PRKN: variants seen among roughly 807,000 people sequenced by gnomAD.
PRKN encodes the protein E3 ubiquitin-protein ligase parkin.
A neutral mutation model predicts 59.5 loss-of-function variants in PRKN; 56 were observed. The observed-to-expected ratio is 0.94, with a 90% CI of 0.76 to 1.18. PRKN has a LOEUF of 1.18. PRKN is among the 50% of genes most tolerant of loss of function. The probability of loss-of-function intolerance (pLI) is 0.00; values close to 1 mark genes in which losing one functional copy is unlikely to be tolerated. For missense variants in PRKN, 657 were observed against 596.4 expected (o/e 1.10, Z -1.06); for synonymous variants, 250 against 222.1 (o/e 1.13, Z -1.12).
intron 6 of PRKN, among the ~76,000 whole-genome samples, chr6:161,807,197 T>C (rs1791367152): frequency 6.6e-6 from 1 of 152,136 alleles, no homozygotes; most frequent in Non-Finnish European, 1.5e-5. Context: ...TACTAAACCA[T>C]ACGGAGATTT....
chr6:161,639,002 A>C (rs1440564801), intron 7 of PRKN, among the ~76,000 whole-genome samples: 1 of 151,840 alleles, frequency 6.6e-6, no homozygotes, highest in African/African-American at 2.4e-5. Context: ...TCAGTCTCCC[A>C]AAGTGCTGGG....
At chr6:162,368,415 C>T (rs1307394452) in intron 2 of PRKN, among the ~76,000 whole-genome samples, 1 of 152,170 alleles carries the variant, frequency 6.6e-6, no homozygotes, top group African/African-American at 2.4e-5. Context: ...GGAATTTCTA[C>T]ATCGACTGCC....
chr6:161,715,314 C>T (rs902930151), intron 7 of PRKN, among the ~76,000 whole-genome samples: 5 of 151,656 alleles, frequency 3.3e-5, no homozygotes, highest in Admixed American at 2.0e-4. Flanking sequence ...AGAAAAAATC[C>T]CGTTGTCTTC....
In PRKN at chr6:161,458,073, A is replaced by G. The variant is rs528127408; in HGVS notation, c.1084-71196T>C. ...TATCCTAGCTGTTATGGGAATACTTATAAGAAGAAAAAGAGAAATACAGCT... is the reference window on the plus strand; with the variant it reads ...TATCCTAGCTGTTATGGGAATACTTGTAAGAAGAAAAAGAGAAATACAGCT... On this transcript the variant is annotated intron_variant, in intron 9 of 11. Transcript: ENST00000366898. The surrounding 1 kb of genome is among the most constrained non-coding windows in gnomAD (Gnocchi z 6.1). 6.6e-6 allele frequency among the ~76,000 whole-genome samples: 1 copy of G among 152,334 alleles called. No individual in the cohort carries two copies. Among genetic ancestry groups the G allele is most frequent in the South Asian group, 2.1e-4 (1 of 4,830 alleles).
At chr6:161,573,742 A>ATT (rs1780997190) in intron 7 of PRKN, among the ~76,000 whole-genome samples, 7 of 32,042 alleles carry the variant, frequency 2.2e-4, no homozygotes, top group Admixed American at 7.4e-4. Flanking sequence ...AAAAAAAAAA[A>ATT]AAAAAAAAAA....
rs530074627 is a variant in PRKN at position 161,604,607 on chromosome 6, A to T, written c.872-35191T>A. 3.9e-5 allele frequency among the ~76,000 whole-genome samples: 6 copies of T among 152,338 alleles called. 1 individual carries two copies. The South Asian group carries it at 1.2e-3, about 32-fold the overall frequency. ...TTGATCCTACTTTATAGAGATGAGA[A>T]TGAGTCTCTGAATGCACAGTGTTTA... On this transcript the variant is annotated intron_variant, in intron 7 of 11. Coordinates refer to ENST00000366898, the MANE Select transcript of PRKN (RefSeq NM_004562.3).
At chr6:162,261,040 CAA>C (rs1221943019) in intron 3 of PRKN, among the ~76,000 whole-genome samples, 3 of 152,022 alleles carry the variant, frequency 2.0e-5, no homozygotes, top group African/African-American at 7.2e-5. Flanking sequence ...GCATAAATCT[CAA>C]AGAGGTGCCT....
chr6:162,679,224 C>T lies in PRKN; in HGVS notation c.7+48438G>A, dbSNP rs112214582. On this transcript the variant is annotated intron_variant, in intron 1 of 11. Coordinates refer to ENST00000366898, the MANE Select transcript of PRKN (RefSeq NM_004562.3). ...AAGTGATTCTCCTGCCTCAGCCTCC[C>T]GAGCAGCTGGGATTACAGGCACCCT... Among the ~76,000 whole-genome samples the T allele has an allele frequency of 5.1e-3, 778 of 151,608 alleles. 7 individuals are homozygous for T. Among genetic ancestry groups the T allele is most frequent in the African/African-American group, 0.017 (709 of 41,294 alleles).
At chr6:162,012,746 A>G (rs1782783633) in intron 5 of PRKN, among the ~76,000 whole-genome samples, 1 of 152,086 alleles carries the variant, frequency 6.6e-6, no homozygotes, top group African/African-American at 2.4e-5. Flanking sequence ...GTCCCCTCTG[A>G]TCTGGAACAG....
intron 1 of PRKN, among the ~76,000 whole-genome samples, chr6:162,507,256 C>T (rs1057090333): frequency 6.6e-6 from 1 of 152,076 alleles, no homozygotes; most frequent in South Asian, 2.1e-4. Context: ...GACTCATTCT[C>T]CCTAGAAGCC....
intron 7 of PRKN, among the ~76,000 whole-genome samples, chr6:161,623,519 G>C (rs1782982379): frequency 6.6e-6 from 1 of 152,202 alleles, no homozygotes; most frequent in Non-Finnish European, 1.5e-5. Context: ...GGGAGCGACA[G>C]ACAGCTTTTT....
rs201675678 is a variant in PRKN, at chr6:162,619,706, C to CCAGTCA, written c.7+107955_7+107956insTGACTG. Among the ~76,000 whole-genome samples the CCAGTCA allele has an allele frequency of 3.9e-3, 177 of 44,948 alleles. 3 individuals are homozygous for CCAGTCA. The East Asian group carries it at 0.097, about 25-fold the overall frequency. The allele number at this position is 44,948 out of a possible 152,430, so 29.5% of individuals were successfully genotyped here. A position where few individuals can be genotyped will look rare whatever the true frequency, so the allele number is the denominator to read the frequency against. ...GTTGGTATCTATCCTTTCACTTTTT[C>CCAGTCA]CACTCACACACACACACACACACAC... On this transcript the variant is annotated intron_variant, in intron 1 of 11. Transcript: ENST00000366898.
At chr6:162,623,792 T>C (rs1782770859) in intron 1 of PRKN, among the ~76,000 whole-genome samples, 2 of 152,144 alleles carry the variant, frequency 1.3e-5, no homozygotes, top group African/African-American at 4.8e-5. Context: ...AATAACCTAA[T>C]TATCAAATAA....
At chr6:162,534,703 C>T (rs770430567) in intron 1 of PRKN, among the ~76,000 whole-genome samples, 3 of 152,184 alleles carry the variant, frequency 2.0e-5, no homozygotes, top group Non-Finnish European at 4.4e-5. Flanking sequence ...TCCCGAGCCA[C>T]TTTCTGGCTA....
At position 161,445,021 on chromosome 6, in the gene PRKN, C is replaced by T. The variant is rs906809219; in HGVS notation, c.1084-58144G>A. 7.1e-6 allele frequency among the ~76,000 whole-genome samples: 1 copy of T among 141,692 alleles called. No homozygotes were observed. Among genetic ancestry groups the T allele is most frequent in the Non-Finnish European group, 1.5e-5 (1 of 67,924 alleles). 93.0% of individuals were successfully genotyped at this position (141,692 alleles called of 152,430 possible). On this transcript the variant is annotated intron_variant, in intron 9 of 11. Coordinates refer to ENST00000366898, the MANE Select transcript of PRKN (RefSeq NM_004562.3). This position sits in a 1 kb window ranked among gnomAD's most constrained non-coding sequence, Gnocchi z 7.7. ...TTTTGTTTTTTTAATCTCTAGGTAA[C>T]CAACCCCTGCCTACATTTTACTCTG...
intron 1 of PRKN, among the ~76,000 whole-genome samples, chr6:162,538,348 G>C (rs1778799408): frequency 6.6e-6 from 1 of 152,230 alleles, no homozygotes; most frequent in East Asian, 1.9e-4. Context: ...ACTGAGCTGA[G>C]ATTGTGTCAC....
At chr6:162,258,220 G>A (rs755252834) in intron 3 of PRKN, among the ~76,000 whole-genome samples, 3 of 152,150 alleles carry the variant, frequency 2.0e-5, no homozygotes, top group Non-Finnish European at 1.5e-5. Context: ...ACACTTACTA[G>A]CTGCTCCAAA....
chr6:162,394,541 G>C (rs1787378339), intron 2 of PRKN, among the ~76,000 whole-genome samples: 1 of 152,048 alleles, frequency 6.6e-6, no homozygotes, highest in African/African-American at 2.4e-5. Flanking sequence ...GTAATATTTG[G>C]AACACTTCAA....
chr6:161,727,320 G>A (rs1787484465), intron 7 of PRKN, among the ~76,000 whole-genome samples: 1 of 152,026 alleles, frequency 6.6e-6, no homozygotes, highest in South Asian at 2.1e-4. Flanking sequence ...GGACAGAAGA[G>A]GGAGTGCTCA....
Sources: allele counts gnomAD v4.1 joint callset (sites outside exome capture counted in the v4.1 genomes callset), GRCh38; gene constraint gnomAD v4.1.1; non-coding constraint Gnocchi (gnomAD v3.1); transcripts MANE v1.5; gene names NCBI Gene and HGNC (gene_info 2026-07-23, HGNC 2026-07-21).